The following GVQW3 variants were observed in gnomAD, a reference collection of about 807,000 sequenced individuals.
GVQW3 encodes the protein protein GVQW3.
A neutral mutation model predicts 12.5 loss-of-function variants in GVQW3; 7 were observed. The observed-to-expected ratio is 0.56, with a 90% confidence interval of 0.32 to 1.05. GVQW3 has a LOEUF of 1.05. Among genes scored for constraint, GVQW3 ranks in the 50% least tolerant of loss-of-function variants. The pLI, the probability that GVQW3 is intolerant of heterozygous loss-of-function variation, is 0.04. For synonymous variants in GVQW3, 71 were observed against 67.2 expected, an observed-to-expected ratio of 1.06 and a Z score of -0.28; for missense variants, 188 against 190.8, an observed-to-expected ratio of 0.99 and a Z score of 0.09.
At chr11:76,412,640 A>G (rs917332608), downstream of GVQW3, 55 of 152,192 alleles carry the variant, frequency 3.6e-4, no homozygotes, top group African/African-American at 1.3e-3. Flanking sequence ...AAAATCCCAC[A>G]CTGGCCCTTC....
Position 76,382,244 on chromosome 11 carries a change from C to T in GVQW3, c.416C>T (p.Ser139Phe). Residue 139 changes from serine (S) to phenylalanine (F), a missense_variant, in exon 1 of 2, where the codon TCC becomes TTC. Transcript: ENST00000529331. ...EPKPRKLDFR[S>F]DLSKETRKNS... ...AAACCACGAAAACTTGACTTTCGGT[C>T]CGATCTTTCAAAGGAAACTAGGAAA... The T allele has an allele frequency of 6.5e-7, 1 of 1,535,774 alleles. No homozygotes were observed.
At chr11:76,411,169 T>C (rs2156708), downstream of GVQW3, 42,748 of 152,290 alleles carry the variant, frequency 0.28, 6,227 homozygotes, top group Admixed American at 0.4. Context: ...CTATGTCATC[T>C]GACATGACTA....
Position 76,385,699 on chromosome 11 carries a change from T to C in GVQW3, c.465+3406T>C, listed in dbSNP as rs550011480. Reference sequence around the variant, plus strand: ...CCGCTTCAGCTGCTGAGTAAGGAAATTGTCTGCTCCAGCCCTGGCCCCAGG... The same window carrying C: ...CCGCTTCAGCTGCTGAGTAAGGAAACTGTCTGCTCCAGCCCTGGCCCCAGG... On this transcript the variant is annotated intron_variant, in intron 1 of 1. Transcript: ENST00000529331. Among the ~76,000 whole-genome samples the C allele has an allele frequency of 3.3e-5, 5 of 152,276 alleles. No individual in the cohort carries two copies. The East Asian group carries it at 9.6e-4, about 29-fold the overall frequency.
At chr11:76,390,751 C>G (rs1178446916) in intron 1 of GVQW3, among the ~76,000 whole-genome samples, 3 of 151,902 alleles carry the variant, frequency 2.0e-5, no homozygotes, top group Admixed American at 2.0e-4. Context: ...GGCGTGAACC[C>G]GGGAGGCGGA....
At chr11:76,409,976 G>A (rs996667746), downstream of GVQW3, among the ~76,000 whole-genome samples, 1 of 152,118 alleles carries the variant, frequency 6.6e-6, no homozygotes, top group South Asian at 2.1e-4. Flanking sequence ...TAAAACTCAG[G>A]CCAGACTCAG....
At chr11:76,382,722 T>C in intron 1 of GVQW3, 1 of 375,560 alleles carries the variant, frequency 2.7e-6, no homozygotes, top group Non-Finnish European at 4.8e-6. Flanking sequence ...GCCCAGACCT[T>C]AGCTTGTTGT....
At chr11:76,408,328 G>T (rs79728843), downstream of GVQW3, 36 of 152,216 alleles carry the variant, frequency 2.4e-4, no homozygotes, top group African/African-American at 8.7e-4. Flanking sequence ...CATTTGTTCG[G>T]GCCTTGAAGG....
At position 76,382,115 on chromosome 11, in the gene GVQW3, AG is replaced by A. The variant is rs1242875192; in HGVS notation, c.288del (p.Glu96AspfsTer2). On this transcript the variant is annotated frameshift_variant, in exon 1 of 2. Coordinates refer to ENST00000529331, the MANE Select transcript of GVQW3 (RefSeq NM_001347885.2). LOFTEE classifies it high-confidence loss of function. ...RQLTVRMMAE[E>X]LNLDKETVRL... The stretch of plus-strand genomic sequence containing the variant: ...TTAACCGTGAGGATGATGGCTGAAG[AG>A]TTAAATTTAGACAAAGAAACTGTTA... 1 of 1,536,382 alleles carries A rather than the reference AG, an allele frequency of 6.5e-7. No individual in the cohort carries two copies. Among genetic ancestry groups the A allele is most frequent in the African/African-American group, 1.4e-5 (1 of 73,052 alleles).
Position 76,382,196 on chromosome 11 carries a change from C to T in GVQW3, c.368C>T (p.Ser123Leu). Residue 123 changes from serine (S) to leucine (L), a missense_variant, in exon 1 of 2, where the codon TCG (serine) becomes TTG (leucine). Physicochemically the swap from Ser to Leu is moderately radical, Grantham distance 145. Transcript: ENST00000529331. ...NMRKISAKVI[S>L]GVLKGEPKPR... The stretch of plus-strand genomic sequence containing the variant: ...AGGAAGATTTCTGCAAAAGTTATTT[C>T]GGGTGTTTTGAAGGGTGAGCCTAAA... The T allele has an allele frequency of 3.3e-6, 5 of 1,536,140 alleles. No homozygotes were observed. Among genetic ancestry groups the T allele is most frequent in the Non-Finnish European group, 4.4e-6 (5 of 1,146,910 alleles).
chr11:76,397,002 C>CTTTTTTT (rs11401694), intron 1 of GVQW3, among the ~76,000 whole-genome samples: 4 of 110,876 alleles, frequency 3.6e-5, no homozygotes, highest in Non-Finnish European at 7.1e-5. Context: ...TCATTTATTC[C>CTTTTTTT]TTTTTTTTTT....
chr11:76,405,076 G>A lies in GVQW3; in HGVS notation c.*1318G>A, dbSNP rs960954587. 1 of 152,190 alleles carries A rather than the reference G, an allele frequency of 6.6e-6. No homozygotes were observed. The highest frequency in any genetic ancestry group is 2.4e-5 in the African/African-American group (1 of 41,444). 9.4% of individuals were successfully genotyped at this position (152,190 alleles called of 1,614,324 possible). A position where few individuals can be genotyped will look rare whatever the true frequency, so the allele number is the denominator to read the frequency against. Reference sequence around the variant, plus strand: ...TTTCTGGCATAATAAGAATTCCAAAGGTGCTCCTTTGGTCTTTCCATCTTG... The same window carrying A: ...TTTCTGGCATAATAAGAATTCCAAAAGTGCTCCTTTGGTCTTTCCATCTTG... On this transcript the variant is annotated 3_prime_UTR_variant, in exon 2 of 2. Coordinates refer to ENST00000529331, the MANE Select transcript of GVQW3 (RefSeq NM_001347885.2).
chr11:76,403,239 C>T (rs188073230), intron 1 of GVQW3, among the ~76,000 whole-genome samples: 1 of 152,304 alleles, frequency 6.6e-6, no homozygotes, highest in East Asian at 1.9e-4. Context: ...AGCCACCACT[C>T]CCGGCCTTGG....
At chr11:76,409,094 A>C (rs4944108), downstream of GVQW3, among the ~76,000 whole-genome samples, 82,636 of 151,992 alleles carry the variant, frequency 0.54, 23,177 homozygotes, top group South Asian at 0.66. Flanking sequence ...TGTCCGCTGC[A>C]TGCCAGGCAC....
At position 76,381,492 on chromosome 11, in the gene GVQW3, G is replaced by C; in HGVS notation, c.-337G>C. 4.4e-6 allele frequency: 1 copy of C among 226,740 alleles called. No individual in the cohort carries two copies. The highest frequency in any genetic ancestry group is 5.2e-5 in the Admixed American group (1 of 19,360). 14.0% of individuals were successfully genotyped at this position (226,740 alleles called of 1,614,324 possible). On this transcript the variant is annotated 5_prime_UTR_variant, in exon 1 of 2. Transcript: ENST00000529331. ...CACTTAGGCCTTTCTTGCAGAATTCGCCATATACTCCTTAAGGGCCGCGGA... is the reference window on the plus strand; with the variant it reads ...CACTTAGGCCTTTCTTGCAGAATTCCCCATATACTCCTTAAGGGCCGCGGA...
intron 1 of GVQW3, among the ~76,000 whole-genome samples, chr11:76,399,570 G>T (rs769662383): frequency 2.6e-5 from 4 of 152,122 alleles, no homozygotes; most frequent in Admixed American, 2.6e-4. Flanking sequence ...AATTATTCTG[G>T]GTGTGTCTGG....
rs1050525889 is a variant in GVQW3, at chr11:76,405,366, G to A, written c.*1608G>A. On this transcript the variant is annotated 3_prime_UTR_variant, in exon 2 of 2. Transcript: ENST00000529331. Reference sequence around the variant, plus strand: ...CACAGTATGTATTTGGCATGGAGTCGGTACTCAATAAGCATTAGCTATTTG... The same window carrying A: ...CACAGTATGTATTTGGCATGGAGTCAGTACTCAATAAGCATTAGCTATTTG... 9 of 152,188 alleles carry A rather than the reference G, an allele frequency of 5.9e-5. No individual in the cohort carries two copies. The highest frequency in any genetic ancestry group is 1.9e-4 in the African/African-American group (8 of 41,408). 9.4% of individuals were successfully genotyped at this position (152,188 alleles called of 1,614,324 possible). A position where few individuals can be genotyped will look rare whatever the true frequency, so the allele number is the denominator to read the frequency against.
chr11:76,384,349 G>A (rs1048761332), intron 1 of GVQW3, among the ~76,000 whole-genome samples: 2 of 152,172 alleles, frequency 1.3e-5, no homozygotes, highest in East Asian at 3.8e-4. Context: ...TTGAGATGGA[G>A]TCTTGCTCTG....
At chr11:76,389,833 C>A (rs1377693891) in intron 1 of GVQW3, 1 of 152,236 alleles carries the variant, frequency 6.6e-6, no homozygotes, top group Non-Finnish European at 1.5e-5. Flanking sequence ...TCCTCCCATA[C>A]TGGGACACTC....
rs1947054225 is a variant in GVQW3 at position 76,407,599 on chromosome 11, A to T, written c.*3841A>T. 1 of 150,336 alleles carries T rather than the reference A, an allele frequency of 6.7e-6. No individual in the cohort carries two copies. The highest frequency in any genetic ancestry group is 1.5e-5 in the Non-Finnish European group (1 of 67,588). 9.3% of individuals were successfully genotyped at this position (150,336 alleles called of 1,614,324 possible). On this transcript the variant is annotated 3_prime_UTR_variant, in exon 2 of 2. Transcript: ENST00000529331. ...CTCAAAAAAAAAAAAAAAAAAAAAA[A>T]AAAAGAATTTAAGCCAGTTGACCTA...
Sources: allele counts gnomAD v4.1 joint callset (sites outside exome capture counted in the v4.1 genomes callset), GRCh38; gene constraint gnomAD v4.1.1; transcripts MANE v1.5; gene names NCBI Gene and HGNC (gene_info 2026-07-23, HGNC 2026-07-21).